SLC25A16: variants seen among roughly 807,000 people sequenced by gnomAD.
The protein encoded by SLC25A16 is mitochondrial coenzyme A transporter SLC25A16.
Under a neutral mutation model 41.5 loss-of-function variants are expected in SLC25A16, and 39 were observed. The observed-to-expected ratio is 0.94, with a 90% confidence interval of 0.73 to 1.23. The LOEUF is 1.23. Ranked by LOEUF, SLC25A16 falls within the 50% of genes most tolerant of loss-of-function variation. The pLI is 0.00. For missense variants in SLC25A16, 421 were observed against 426.9 expected, an observed-to-expected ratio of 0.99 and a Z score of 0.12; for synonymous variants, 146 against 147.8, an observed-to-expected ratio of 0.99 and a Z score of 0.09.
intron 1 of SLC25A16, among the ~76,000 whole-genome samples, chr10:68,521,154 GAC>G (rs922858449): frequency 7.3e-5 from 11 of 151,322 alleles, no homozygotes; most frequent in African/African-American, 2.7e-4. Context: ...GGAACACACA[GAC>G]ACACACATAC....
chr10:68,493,680 A>G (rs1248954301), intron 4 of SLC25A16, 110 bp from the exon 5 acceptor site: 1 of 847,988 alleles, frequency 1.2e-6, no homozygotes, highest in African/African-American at 1.7e-5. Flanking sequence ...AACCCAATAA[A>G]ATCAAAGGTG....
rs576234689 is a variant in SLC25A16 at position 68,482,701 on chromosome 10, C to T, written c.*731G>A. On this transcript the variant is annotated 3_prime_UTR_variant, in exon 9 of 9. Coordinates refer to ENST00000609923, the MANE Select transcript of SLC25A16 (RefSeq NM_152707.4). The stretch of plus-strand genomic sequence containing the variant: ...ACCTCATAATAACATTTGAGCAAGA[C>T]TTAGTCGTTCATTCATTTATTAAGT... 2 of 152,154 alleles carry T rather than the reference C, an allele frequency of 1.3e-5. No homozygotes were observed. The highest frequency in any genetic ancestry group is 2.4e-5 in the African/African-American group (1 of 41,526). 9.4% of individuals were successfully genotyped at this position (152,154 alleles called of 1,614,324 possible).
chr10:68,483,435 G>A lies in SLC25A16; in HGVS notation c.996C>T (p.Asn332=). The change falls in exon 9 of 9, where the codon AAC becomes AAT. Residue 332 remains asparagine (N), a synonymous_variant. Coordinates refer to ENST00000609923, the MANE Select transcript of SLC25A16 (RefSeq NM_152707.4). ...YELMKQFFHL[N] ...AAAAACCAACCATAATTTTTTTTTA[G>A]TTGAGGTGAAAAAACTGCTTCATAA... is the stretch of plus-strand genomic sequence containing the variant. 6.4e-7 allele frequency: 1 copy of A among 1,571,120 alleles called. No homozygotes were observed.
intron 4 of SLC25A16, chr10:68,500,081 T>C (rs564955074): frequency 1.6e-4 from 37 of 227,646 alleles, no homozygotes; most frequent in African/African-American, 7.9e-4. Flanking sequence ...TTAGTATGTA[T>C]TGGATTATAG....
chr10:68,521,843 C>T (rs1484314501), intron 1 of SLC25A16, among the ~76,000 whole-genome samples: 1 of 151,150 alleles, frequency 6.6e-6, no homozygotes. Context: ...GTGATCCGCC[C>T]GCCTCGGCCT....
intron 1 of SLC25A16, among the ~76,000 whole-genome samples, chr10:68,519,314 T>C (rs1273608294): frequency 1.3e-5 from 2 of 150,070 alleles, no homozygotes; most frequent in Middle Eastern, 3.6e-3. Context: ...TGGTGAAACC[T>C]TGTCTCTACT....
chr10:68,506,778 T>C, intron 2 of SLC25A16, 60 bp from the exon 3 acceptor site: 2 of 1,115,068 alleles, frequency 1.8e-6, no homozygotes, highest in Non-Finnish European at 2.5e-6. Flanking sequence ...TAAATTTTCA[T>C]GACAATCACA....
In SLC25A16 at chr10:68,516,829, A is replaced by T; in HGVS notation, c.145T>A (p.Cys49Ser). The change falls in exon 2 of 9, where the codon TGT (cysteine) becomes AGT (serine). Residue 49 changes from cysteine (C) to serine (S), a missense_variant. Transcript: ENST00000609923. ...AATGGAGCAACTGTTGTTTTGGCAC[A>T]GCATCCAGCAATACCTAAAAATTTT... ...SFLAGGIAGC[C>S]AKTTVAPLDR... The T allele has an allele frequency of 6.2e-7, 1 of 1,613,250 alleles. No homozygotes were observed. The highest frequency in any genetic ancestry group is 8.5e-7 in the Non-Finnish European group (1 of 1,179,552).
intron 6 of SLC25A16, among the ~76,000 whole-genome samples, chr10:68,489,527 T>C (rs2052621935): frequency 6.6e-6 from 1 of 152,056 alleles, no homozygotes; most frequent in South Asian, 2.1e-4. Context: ...AAATTAAGAA[T>C]GAAATTCAGG....
intron 4 of SLC25A16, among the ~76,000 whole-genome samples, chr10:68,500,264 G>C (rs903775334): frequency 1.3e-5 from 2 of 152,066 alleles, no homozygotes; most frequent in African/African-American, 4.8e-5. Flanking sequence ...TTAATCATAA[G>C]ATCCATTTCA....
At chr10:68,506,537 T>C (rs1386976684) in intron 3 of SLC25A16, 48 bp downstream of exon 3, 12 of 1,373,692 alleles carry the variant, frequency 8.7e-6, no homozygotes, top group Admixed American at 4.7e-5. Context: ...TGGTCAAGCA[T>C]GCATGATATT....
At chr10:68,520,462 G>A (rs2053232038) in intron 1 of SLC25A16, among the ~76,000 whole-genome samples, 1 of 151,980 alleles carries the variant, frequency 6.6e-6, no homozygotes, top group Non-Finnish European at 1.5e-5. Context: ...GATCACTTGA[G>A]GTCAGGATTT....
chr10:68,492,645 G>A (rs1171496014), intron 6 of SLC25A16, among the ~76,000 whole-genome samples: 3 of 151,764 alleles, frequency 2.0e-5, no homozygotes, highest in Non-Finnish European at 2.9e-5. Context: ...TCACGCCATT[G>A]CACTCCAGCT....
chr10:68,523,152 C>T (rs1251363006), intron 1 of SLC25A16, among the ~76,000 whole-genome samples: 1 of 152,082 alleles, frequency 6.6e-6, no homozygotes, highest in African/African-American at 2.4e-5. Flanking sequence ...TGCAGTGCTG[C>T]GATCTGGGCT....
intron 2 of SLC25A16, among the ~76,000 whole-genome samples, chr10:68,509,732 T>TAG (rs1222438788): frequency 2.8e-5 from 4 of 144,552 alleles, no homozygotes; most frequent in Non-Finnish European, 6.0e-5. Flanking sequence ...TCTATCTATC[T>TAG]ATATATATAT....
intron 6 of SLC25A16, among the ~76,000 whole-genome samples, chr10:68,491,619 T>C (rs2133506062): frequency 6.6e-6 from 1 of 152,230 alleles, no homozygotes; most frequent in African/African-American, 2.4e-5. Flanking sequence ...GCTCCTACAC[T>C]AGGCCCTAAC....
intron 2 of SLC25A16, among the ~76,000 whole-genome samples, chr10:68,513,628 G>T (rs2053107758): frequency 1.3e-5 from 2 of 152,174 alleles, no homozygotes; most frequent in Admixed American, 6.6e-5. Flanking sequence ...GGTGGCTCAT[G>T]CCTGTAATCC....
Position 68,487,129 on chromosome 10 carries a change from A to G in SLC25A16, c.842+15T>C. The G allele has an allele frequency of 1.3e-6, 2 of 1,598,888 alleles. No individual in the cohort carries two copies. Among genetic ancestry groups the G allele is most frequent in the Non-Finnish European group, 1.7e-6 (2 of 1,166,564 alleles). On this transcript the variant is annotated intron_variant, in intron 8 of 8. Coordinates refer to ENST00000609923, the MANE Select transcript of SLC25A16 (RefSeq NM_152707.4). ...TTTCCTAAAGAAAATGAACAATGAC[A>G]TATGATGAACTTACAGGCACTTTTC... is the stretch of plus-strand genomic sequence containing the variant.
At position 68,483,323 on chromosome 10, in the gene SLC25A16, T is replaced by C. The variant is rs2052507219; in HGVS notation, c.*109A>G. 4 of 699,860 alleles carry C rather than the reference T, an allele frequency of 5.7e-6. No individual in the cohort carries two copies. Among genetic ancestry groups the C allele is most frequent in the South Asian group, 2.2e-5 (1 of 44,482 alleles). 43.4% of individuals were successfully genotyped at this position (699,860 alleles called of 1,614,324 possible). A position where few individuals can be genotyped will look rare whatever the true frequency, so the allele number is the denominator to read the frequency against. On this transcript the variant is annotated 3_prime_UTR_variant, in exon 9 of 9. Coordinates refer to ENST00000609923, the MANE Select transcript of SLC25A16 (RefSeq NM_152707.4). ...TCAAGTACTAAAATACCAGTGGCTC[T>C]TGTGACAGGGTAAATATCCCCATTC...
Sources: gnomAD v4.1 joint callset for allele counts (sites outside exome capture counted in the v4.1 genomes callset) on GRCh38, gnomAD v4.1.1 for gene constraint, MANE v1.5 for transcripts, NCBI Gene and HGNC (gene_info 2026-07-23, HGNC 2026-07-21) for gene names.